The following TSPAN7 variants were observed in gnomAD, a reference collection of about 807,000 sequenced individuals.
TSPAN7 encodes the protein tetraspanin 7, also known as tetraspanin-7.
TSPAN7 carries 1 observed loss-of-function variant against 17.6 expected under a neutral mutation model. The ratio of observed to expected loss-of-function variants is 0.06; its 90% confidence interval spans 0.02 to 0.27. The LOEUF is 0.27. Among genes scored for constraint, TSPAN7 ranks in the 10% least tolerant of loss-of-function variants. TSPAN7 has a pLI of 1.00. For missense variants in TSPAN7, 112 were observed against 201.7 expected, an observed-to-expected ratio of 0.56 and a Z score of 2.69; for synonymous variants, 78 against 79.0, an observed-to-expected ratio of 0.99 and a Z score of 0.07.
At chrX:38,678,359 T>C (rs1050143367) in intron 5 of TSPAN7, among the ~76,000 whole-genome samples, 2 of 112,273 alleles carry the variant, frequency 1.8e-5, no homozygotes, top group African/African-American at 6.5e-5. Context: ...ATGTTTTCCA[T>C]TGGTGACTAT....
chrX:38,615,982 A>G (rs57416826), intron 1 of TSPAN7, among the ~76,000 whole-genome samples: 25,927 of 110,913 alleles, frequency 0.23, 2,885 homozygotes, highest in East Asian at 0.65. Context: ...TCTACCTTGC[A>G]TTCTTGGAAA....
chrX:38,672,943 A>T lies in TSPAN7; in HGVS notation c.346-1278A>T, dbSNP rs146873986. ...GCAGTAGTGGGCTTGTTTCTCCACCATGAGTCCTCAAAATAGTCTAGTGCC... is the reference window on the plus strand; with the variant it reads ...GCAGTAGTGGGCTTGTTTCTCCACCTTGAGTCCTCAAAATAGTCTAGTGCC... On this transcript the variant is annotated intron_variant, in intron 3 of 7. Transcript: ENST00000378482. 3.6e-4 allele frequency among the ~76,000 whole-genome samples: 40 copies of T among 112,291 alleles called. No homozygotes were observed. In the East Asian group the frequency reaches 0.01, roughly 28 times the overall value.
intron 1 of TSPAN7, among the ~76,000 whole-genome samples, chrX:38,661,279 C>T (rs927013301): frequency 1.5e-4 from 17 of 112,697 alleles, no homozygotes; most frequent in Non-Finnish European, 3.0e-4. Context: ...TGGCATATTG[C>T]CAAACCTATC....
At chrX:38,670,105 G>A (rs1345112909) in intron 2 of TSPAN7, among the ~76,000 whole-genome samples, 1 of 111,097 alleles carries the variant, frequency 9.0e-6, no homozygotes, top group African/African-American at 3.3e-5. Flanking sequence ...CGATATATGT[G>A]CCACTAGATG....
chrX:38,564,490 T>C (rs67379604), intron 1 of TSPAN7, among the ~76,000 whole-genome samples: 15,204 of 111,642 alleles, frequency 0.14, 1,769 homozygotes, highest in African/African-American at 0.37. Flanking sequence ...TTCATTTCTA[T>C]TGGGTATGTA....
Position 38,687,647 on chromosome X carries a change from A to G in TSPAN7, c.730A>G (p.Asn244Asp). Residue 244 changes from asparagine to aspartate, a missense_variant, in exon 7 of 8, where the codon AAT becomes GAT. By Grantham distance (23) the Asn-to-Asp change is conservative (BLOSUM62 1). Transcript: ENST00000378482. The part of the protein sequence containing the change: ...ACCLSRFITA[N>D]QYEMV ...CTGTCTGTCCCGGTTCATCACGGCC[A>G]ATCAGTATGAGATGGTGTAAGGAGA... 1 of 1,210,796 alleles carries G rather than the reference A, an allele frequency of 8.3e-7. No homozygotes were observed.
intron 1 of TSPAN7, among the ~76,000 whole-genome samples, chrX:38,588,364 T>C (rs2069270984): frequency 8.9e-6 from 1 of 111,758 alleles, no homozygotes. Context: ...ATCTTAATAC[T>C]ATAGGCTATG....
At position 38,581,773 on chromosome X, in the gene TSPAN7, T is replaced by C. The variant is rs1338705652; in HGVS notation, c.81+20146T>C. Reference sequence around the variant, plus strand: ...CTGGCTCAGACACCTGGGTATTATTTCTCCTGCTGCTGTGAAATATAGTAA... The same window carrying C: ...CTGGCTCAGACACCTGGGTATTATTCCTCCTGCTGCTGTGAAATATAGTAA... On this transcript the variant is annotated intron_variant, in intron 1 of 7. Coordinates refer to ENST00000378482, the MANE Select transcript of TSPAN7 (RefSeq NM_004615.4). Among the ~76,000 whole-genome samples the C allele has an allele frequency of 1.8e-5, 2 of 112,476 alleles. 1 individual carries two copies. The highest frequency in any genetic ancestry group is 3.8e-5 in the Non-Finnish European group (2 of 53,324).
chrX:38,666,515 T>A (rs1339590513), intron 2 of TSPAN7, among the ~76,000 whole-genome samples: 1 of 110,726 alleles, frequency 9.0e-6, no homozygotes, highest in Admixed American at 9.6e-5. Context: ...TCCCAGTCCC[T>A]CTGGGTAGAT....
At chrX:38,663,178 CACAG>C (rs1365068032) in intron 1 of TSPAN7, among the ~76,000 whole-genome samples, 150 of 99,495 alleles carry the variant, frequency 1.5e-3, no homozygotes, top group African/African-American at 4.6e-3. Context: ...CACACACACA[CACAG>C]ACACACACAC....
chrX:38,651,858 G>A (rs1204057365), intron 1 of TSPAN7, among the ~76,000 whole-genome samples: 2 of 112,018 alleles, frequency 1.8e-5, no homozygotes, highest in Non-Finnish European at 3.8e-5. Context: ...CAGAATCCTT[G>A]TCTATATGTG....
At chrX:38,562,842 C>A in intron 1 of TSPAN7, 2 of 428,505 alleles carry the variant, frequency 4.7e-6, no homozygotes, top group Non-Finnish European at 6.6e-6. Flanking sequence ...GTCATTTTAG[C>A]TTCTACGGCA....
chrX:38,566,456 A>C, intron 1 of TSPAN7: 1 of 558,870 alleles, frequency 1.8e-6, no homozygotes, highest in Non-Finnish European at 2.4e-6. Flanking sequence ...GAATTAATGA[A>C]TAAATGAAAT....
intron 1 of TSPAN7, among the ~76,000 whole-genome samples, chrX:38,637,989 A>G (rs952381189): frequency 2.7e-5 from 3 of 111,390 alleles, no homozygotes; most frequent in African/African-American, 9.8e-5. Flanking sequence ...ACCTGGAGCC[A>G]CCAGAGAGCA....
intron 1 of TSPAN7, among the ~76,000 whole-genome samples, chrX:38,606,115 TGA>T (rs2069380922): frequency 9.3e-6 from 1 of 107,128 alleles, no homozygotes; most frequent in South Asian, 4.2e-4. Flanking sequence ...ACCATCAGAG[TGA>T]ACAGGCAACC....
rs144182400 is a variant in TSPAN7, at chrX:38,642,394, G to A, written c.82-23727G>A. ...TGCTCATTATTGTGCTGAGTACTGA[G>A]GTTGACTCAGAAAAAGCTGAGAGGT... On this transcript the variant is annotated intron_variant, in intron 1 of 7. Transcript: ENST00000378482. 7.0e-3 allele frequency among the ~76,000 whole-genome samples: 782 copies of A among 112,203 alleles called. 7 individuals are homozygous for A. The highest frequency in any genetic ancestry group is 0.023 in the African/African-American group (721 of 30,843).
chrX:38,594,258 T>C (rs1176279784), intron 1 of TSPAN7, among the ~76,000 whole-genome samples: 2 of 111,754 alleles, frequency 1.8e-5, no homozygotes, highest in Non-Finnish European at 3.8e-5. Flanking sequence ...TGCTGTTTTA[T>C]ACAGTTAATA....
rs143618058 is a variant in TSPAN7 at position 38,674,341 on chromosome X, G to T, written c.441+25G>T. 4.4e-6 allele frequency: 5 copies of T among 1,139,645 alleles called. No individual in the cohort carries two copies. The East Asian group carries it at 1.6e-4, about 36-fold the overall frequency. 93.9% of individuals were successfully genotyped at this position (1,139,645 alleles called of 1,213,427 possible). Reference sequence around the variant, plus strand: ...CGTAAGTTCCAGAGGAGATGAGGGTGTGAACTAACTATGAAGTCTAGGCTT... The same window carrying T: ...CGTAAGTTCCAGAGGAGATGAGGGTTTGAACTAACTATGAAGTCTAGGCTT... On this transcript the variant is annotated intron_variant, in intron 4 of 7. Coordinates refer to ENST00000378482, the MANE Select transcript of TSPAN7 (RefSeq NM_004615.4).
At chrX:38,680,907 G>A (rs2069886516) in intron 5 of TSPAN7, among the ~76,000 whole-genome samples, 1 of 111,828 alleles carries the variant, frequency 8.9e-6, no homozygotes, top group African/African-American at 3.3e-5. Context: ...ATGAAATTGT[G>A]TCTGGGATTG....
Sources: gnomAD v4.1 joint callset for allele counts (sites outside exome capture counted in the v4.1 genomes callset) on GRCh38, gnomAD v4.1.1 for gene constraint, MANE v1.5 for transcripts, NCBI Gene and HGNC (gene_info 2026-07-23, HGNC 2026-07-21) for gene names.